Variants in COL25A1 observed in about 807,000 individuals in gnomAD.
The protein encoded by COL25A1 is collagen type XXV alpha 1 chain.
A neutral mutation model predicts 128.4 loss-of-function variants in COL25A1; 103 were observed. That is an observed-to-expected ratio of 0.80 (90% CI 0.68 to 0.94). COL25A1 has a LOEUF of 0.94. Ranked by LOEUF, COL25A1 falls within the 40% of genes least tolerant of loss-of-function variation. The pLI is 0.00. For missense variants in COL25A1, 745 were observed against 840.0 expected, an observed-to-expected ratio of 0.89 and a Z score of 1.40; for synonymous variants, 279 against 277.2, an observed-to-expected ratio of 1.01 and a Z score of -0.06.
chr4:109,147,158 C>G (rs1771021486), intron 3 of COL25A1, among the ~76,000 whole-genome samples: 1 of 152,230 alleles, frequency 6.6e-6, no homozygotes, highest in Admixed American at 6.5e-5. Flanking sequence ...GTTTGCTTCT[C>G]AGCTTGTTAT....
At chr4:109,248,314 C>T (rs1780416914) in intron 3 of COL25A1, among the ~76,000 whole-genome samples, 1 of 151,958 alleles carries the variant, frequency 6.6e-6, no homozygotes, top group Non-Finnish European at 1.5e-5. Flanking sequence ...TGCATATATT[C>T]AACTATGGTA....
intron 11 of COL25A1, among the ~76,000 whole-genome samples, chr4:108,921,505 G>A (rs371279496): frequency 2.6e-4 from 40 of 152,222 alleles, no homozygotes; most frequent in African/African-American, 9.1e-4. Flanking sequence ...CATGTTAAAA[G>A]TTCTTTATTC....
chr4:108,977,585 T>C (rs1378457485), intron 6 of COL25A1, among the ~76,000 whole-genome samples: 1 of 152,158 alleles, frequency 6.6e-6, no homozygotes. Flanking sequence ...AAAAATACAA[T>C]TGAGGTTCTA....
At chr4:109,109,334 A>C (rs940110766) in intron 3 of COL25A1, among the ~76,000 whole-genome samples, 1 of 152,122 alleles carries the variant, frequency 6.6e-6, no homozygotes, top group African/African-American at 2.4e-5. Context: ...ACAACAAATA[A>C]GTTTCCAAAG....
intron 35 of COL25A1, 91 bp downstream of exon 35, chr4:108,824,083 T>G (rs199592360): frequency 2.0e-5 from 32 of 1,613,580 alleles, no homozygotes; most frequent in South Asian, 1.2e-4. Flanking sequence ...TGGAGAAAGA[T>G]TAAGTGTCAA....
rs188019774 is a variant in COL25A1 at position 109,251,998 on chromosome 4, C to T, written c.367+48585G>A. Among the ~76,000 whole-genome samples the T allele has an allele frequency of 1.4e-3, 216 of 152,344 alleles. 2 individuals carry two copies. Among genetic ancestry groups the T allele is most frequent in the South Asian group, 1.0e-3 (5 of 4,832 alleles). ...AGCTTCAGAATGTTGGGGAACGTTG[C>T]AAGGCCAATGAAATCCATGAGCATG... On this transcript the variant is annotated intron_variant, in intron 3 of 37. Coordinates refer to ENST00000399132, the MANE Select transcript of COL25A1 (RefSeq NM_198721.4).
At chr4:109,020,700 C>A (rs1757658814) in intron 5 of COL25A1, among the ~76,000 whole-genome samples, 1 of 152,092 alleles carries the variant, frequency 6.6e-6, no homozygotes, top group South Asian at 2.1e-4. Context: ...TCTCTTATAA[C>A]TAACATGTTC....
intron 3 of COL25A1, among the ~76,000 whole-genome samples, chr4:109,259,680 C>G (rs1216319858): frequency 1.3e-5 from 2 of 152,120 alleles, no homozygotes; most frequent in Non-Finnish European, 2.9e-5. Flanking sequence ...ATTAGAATTA[C>G]CAAAAGCATC....
intron 8 of COL25A1, among the ~76,000 whole-genome samples, chr4:108,962,257 G>A (rs528621568): frequency 6.7e-6 from 1 of 149,980 alleles, no homozygotes; most frequent in Non-Finnish European, 1.5e-5. Flanking sequence ...GCAGGATCTC[G>A]ACTCACTGCA....
chr4:108,849,909 A>G (rs1045858803), intron 26 of COL25A1, among the ~76,000 whole-genome samples: 1 of 152,114 alleles, frequency 6.6e-6, no homozygotes, highest in African/African-American at 2.4e-5. Flanking sequence ...GGAAGGCATG[A>G]TCTTGTGGTT....
At chr4:108,989,748 C>A (rs11098021) in intron 6 of COL25A1, among the ~76,000 whole-genome samples, 120,444 of 151,520 alleles carry the variant, frequency 0.79, 49,022 homozygotes, top group East Asian at 1. Context: ...AACAGAACAA[C>A]ATGTTTCTGG....
intron 34 of COL25A1, 22 bp from the exon 35 acceptor site, chr4:108,824,249 A>G (rs556118026): frequency 1.3e-6 from 2 of 1,555,896 alleles, no homozygotes; most frequent in African/African-American, 2.7e-5. Context: ...AAAGCAAACC[A>G]AAAAGATCTA....
intron 3 of COL25A1, among the ~76,000 whole-genome samples, chr4:109,232,218 T>A (rs1308755646): frequency 6.6e-6 from 1 of 152,198 alleles, no homozygotes; most frequent in Non-Finnish European, 1.5e-5. Flanking sequence ...CATATCATAA[T>A]TCATGCTGAC....
intron 16 of COL25A1, among the ~76,000 whole-genome samples, chr4:108,895,277 A>C (rs949638170): frequency 1.3e-5 from 2 of 152,186 alleles, no homozygotes; most frequent in African/African-American, 4.8e-5. Flanking sequence ...GTACTGTAGT[A>C]ATTTTCAAAG....
intron 16 of COL25A1, among the ~76,000 whole-genome samples, chr4:108,891,723 TA>T (rs1560815191): frequency 6.6e-6 from 1 of 151,746 alleles, no homozygotes; most frequent in Non-Finnish European, 1.5e-5. Flanking sequence ...TTTTTTTTTT[TA>T]ATACAAAAAA....
intron 24 of COL25A1, among the ~76,000 whole-genome samples, chr4:108,854,961 C>T (rs186518117): frequency 3.9e-5 from 6 of 152,222 alleles, no homozygotes; most frequent in Admixed American, 2.0e-4. Flanking sequence ...AATTCCTGAT[C>T]CATGAATCAT....
At chr4:109,281,585 C>G (rs1692560888) in intron 3 of COL25A1, among the ~76,000 whole-genome samples, 1 of 152,130 alleles carries the variant, frequency 6.6e-6, no homozygotes. Flanking sequence ...GGTGATCAGA[C>G]AGTCCCTTCT....
chr4:109,089,086 C>T (rs1041111919), intron 3 of COL25A1, among the ~76,000 whole-genome samples: 7 of 152,094 alleles, frequency 4.6e-5, no homozygotes, highest in Admixed American at 1.3e-4. Flanking sequence ...GAGGGCTGGA[C>T]AAGCACAGTG....
chr4:109,008,989 C>A (rs2126042566), intron 6 of COL25A1, among the ~76,000 whole-genome samples: 1 of 152,162 alleles, frequency 6.6e-6, no homozygotes, highest in Middle Eastern at 3.4e-3. Context: ...GGCATGGTGG[C>A]AGGTGGCCTG....
Sources: gnomAD v4.1 joint callset for allele counts (sites outside exome capture counted in the v4.1 genomes callset) on GRCh38, gnomAD v4.1.1 for gene constraint, MANE v1.5 for transcripts, NCBI Gene and HGNC (gene_info 2026-07-23, HGNC 2026-07-21) for gene names.